Variants in RBFOX1 observed in about 807,000 individuals in gnomAD.
RBFOX1 encodes the protein RNA binding fox-1 homolog 1, also known as RNA binding protein fox-1 homolog 1.
RBFOX1 carries 8 observed loss-of-function variants against 57.7 expected under a neutral mutation model. That is an observed-to-expected ratio of 0.14 (90% CI 0.08 to 0.25). The LOEUF (loss-of-function observed/expected upper bound fraction) is 0.25, where lower values mean the gene tolerates loss of function less well. RBFOX1 is among the 10% of genes least tolerant of loss of function. RBFOX1 has a pLI of 1.00. For missense variants in RBFOX1, 611 were observed against 548.5 expected (o/e 1.11, Z -1.14); for synonymous variants, 326 against 222.4 (o/e 1.47, Z -4.15).
chr16:7,190,393 A>G (rs1345921527), intron 4 of RBFOX1, among the ~76,000 whole-genome samples: 1 of 152,170 alleles, frequency 6.6e-6, no homozygotes, highest in Non-Finnish European at 1.5e-5. Context: ...AATAAAAAAT[A>G]AAACTTCCCT....
chr16:5,966,441 T>A (rs1349204794), intron 4 of RBFOX1, among the ~76,000 whole-genome samples: 2 of 152,138 alleles, frequency 1.3e-5, no homozygotes, highest in African/African-American at 4.8e-5. Flanking sequence ...GGTGAGGAGA[T>A]GCCACACACT....
intron 3 of RBFOX1, among the ~76,000 whole-genome samples, chr16:5,859,091 G>C (rs1248700505): frequency 1.3e-5 from 2 of 152,176 alleles, no homozygotes; most frequent in Non-Finnish European, 2.9e-5. Flanking sequence ...TGTGGTCCCA[G>C]CTACTTGGGA....
chr16:5,297,900 G>C (rs1457680639), intron 1 of RBFOX1, among the ~76,000 whole-genome samples: 3 of 152,222 alleles, frequency 2.0e-5, no homozygotes, highest in Non-Finnish European at 4.4e-5. Flanking sequence ...AACAAAGTCT[G>C]TTAGGTATTA....
At position 7,428,497 on chromosome 16, in the gene RBFOX1, A is replaced by ATTATTT. The variant is rs1568851679; in HGVS notation, c.28-89645_28-89644insTTTATT. Among the ~76,000 whole-genome samples the ATTATTT allele has an allele frequency of 3.1e-5, 3 of 95,578 alleles. No individual in the cohort carries two copies. In the East Asian group the frequency reaches 1.1e-3, roughly 34 times the overall value. The allele number at this position is 95,578 out of a possible 152,430, so 62.7% of individuals were successfully genotyped here. On this transcript the variant is annotated intron_variant, in intron 4 of 15. Transcript: ENST00000550418. Reference sequence around the variant, plus strand: ...ATCCACTACCACTCCTGGCTATTTTATTATTATTATTATTATTATTATTAT... The same window carrying ATTATTT: ...ATCCACTACCACTCCTGGCTATTTTATTATTTTTATTATTATTATTATTATTATTAT...
chr16:6,575,178 G>A (rs2097413485), intron 2 of RBFOX1, among the ~76,000 whole-genome samples: 1 of 152,072 alleles, frequency 6.6e-6, no homozygotes, highest in Non-Finnish European at 1.5e-5. Flanking sequence ...AAAAAGACAC[G>A]GCCTCATTTT....
At chr16:6,813,433 C>G (rs937592212) in intron 3 of RBFOX1, among the ~76,000 whole-genome samples, 2 of 152,144 alleles carry the variant, frequency 1.3e-5, no homozygotes, top group African/African-American at 4.8e-5. Flanking sequence ...GTTCTCATGG[C>G]TCTAGTTTGG....
intron 5 of RBFOX1, among the ~76,000 whole-genome samples, chr16:7,527,598 G>C (rs977180216): frequency 6.6e-6 from 1 of 152,124 alleles, no homozygotes; most frequent in Non-Finnish European, 1.5e-5. Context: ...TACAGAGCTT[G>C]ACATTTTCAT....
intron 3 of RBFOX1, among the ~76,000 whole-genome samples, chr16:5,681,653 A>G (rs1282487575): frequency 1.3e-5 from 2 of 151,956 alleles, no homozygotes; most frequent in Non-Finnish European, 2.9e-5. Flanking sequence ...TCAGCCTCCC[A>G]AGGTGCTGGG....
intron 2 of RBFOX1, among the ~76,000 whole-genome samples, chr16:6,330,695 T>C (rs2487925): frequency 0.13 from 19,241 of 152,188 alleles, 3,204 homozygotes; most frequent in African/African-American, 0.38. Context: ...TTACTTTCTC[T>C]AGAGGAAACA....
intron 2 of RBFOX1, among the ~76,000 whole-genome samples, chr16:6,392,545 C>T (rs1313610873): frequency 6.6e-6 from 1 of 152,144 alleles, no homozygotes; most frequent in East Asian, 1.9e-4. Context: ...TCATTGTATT[C>T]TATGCTTGCT....
chr16:6,494,125 G>A (rs1186219031), intron 2 of RBFOX1, among the ~76,000 whole-genome samples: 1 of 152,158 alleles, frequency 6.6e-6, no homozygotes, highest in East Asian at 1.9e-4. Flanking sequence ...TAGATCTCTT[G>A]TACACTATTC....
chr16:7,035,143 G>A (rs77097414), intron 3 of RBFOX1, among the ~76,000 whole-genome samples: 9 of 151,614 alleles, frequency 5.9e-5, no homozygotes, highest in South Asian at 2.1e-4. Context: ...CCGCTGCACC[G>A]GGCCTCTGAG....
intron 3 of RBFOX1, among the ~76,000 whole-genome samples, chr16:5,828,048 T>C (rs2056135548): frequency 6.6e-6 from 1 of 151,014 alleles, no homozygotes; most frequent in African/African-American, 2.4e-5. Context: ...TATCCATCCA[T>C]CTACCCACCC....
Position 7,131,978 on chromosome 16 carries a change from C to A in RBFOX1, c.27+79880C>A, listed in dbSNP as rs376726045. 8.8e-5 allele frequency among the ~76,000 whole-genome samples: 13 copies of A among 147,820 alleles called. No individual in the cohort carries two copies. The East Asian group carries it at 2.0e-3, about 23-fold the overall frequency. Reference sequence around the variant, plus strand: ...GGAGAACTTTAAAAAACATTGATGACTAGAGTCCTTTTTTTCTTTCTTTTT... The same window carrying A: ...GGAGAACTTTAAAAAACATTGATGAATAGAGTCCTTTTTTTCTTTCTTTTT... On this transcript the variant is annotated intron_variant, in intron 4 of 15. Coordinates refer to ENST00000550418, the MANE Select transcript of RBFOX1 (RefSeq NM_018723.4).
intron 1 of RBFOX1, among the ~76,000 whole-genome samples, chr16:5,456,541 C>T (rs980882561): frequency 1.3e-5 from 2 of 151,776 alleles, no homozygotes; most frequent in Non-Finnish European, 2.9e-5. Flanking sequence ...ATTTAATATG[C>T]CCACCCACTT....
At chr16:7,088,040 G>T (rs74008723) in intron 4 of RBFOX1, among the ~76,000 whole-genome samples, 1 of 152,264 alleles carries the variant, frequency 6.6e-6, no homozygotes, top group South Asian at 2.1e-4. Context: ...ACATGTGCTC[G>T]CATTTCCAGT....
At chr16:7,432,036 C>T (rs890507255) in intron 4 of RBFOX1, among the ~76,000 whole-genome samples, 1 of 152,206 alleles carries the variant, frequency 6.6e-6, no homozygotes, top group African/African-American at 2.4e-5. Context: ...GCTTTCCTTA[C>T]ACCCAGCCCA....
At chr16:6,128,417 A>G (rs2096605509) in intron 1 of RBFOX1, among the ~76,000 whole-genome samples, 1 of 152,174 alleles carries the variant, frequency 6.6e-6, no homozygotes, top group African/African-American at 2.4e-5. Flanking sequence ...ACCTAAGGCT[A>G]CTCTTTTTAA....
chr16:6,776,228 G>T (rs1176002025), intron 3 of RBFOX1, among the ~76,000 whole-genome samples: 1 of 151,996 alleles, frequency 6.6e-6, no homozygotes, highest in Non-Finnish European at 1.5e-5. Context: ...TGGCTAACAC[G>T]GTGAAACCCA....
Sources: allele counts gnomAD v4.1 joint callset (sites outside exome capture counted in the v4.1 genomes callset), GRCh38; gene constraint gnomAD v4.1.1; transcripts MANE v1.5; gene names NCBI Gene and HGNC (gene_info 2026-07-23, HGNC 2026-07-21).